TSNARE1: variants seen among roughly 807,000 people sequenced by gnomAD.
TSNARE1 encodes the protein t-SNARE domain containing 1.
In TSNARE1, 49 loss-of-function variants were observed where a neutral mutation model predicts 62.0. That is an observed-to-expected ratio of 0.79 (90% CI 0.63 to 1.00). TSNARE1 has a LOEUF of 1.00. Among genes scored for constraint, TSNARE1 ranks in the 50% least tolerant of loss-of-function variants. TSNARE1 has a pLI of 0.00. For synonymous variants in TSNARE1, 328 were observed against 294.4 expected, an observed-to-expected ratio of 1.11 and a Z score of -1.17; for missense variants, 755 against 700.1, an observed-to-expected ratio of 1.08 and a Z score of -0.88.
At chr8:142,257,883 G>A (rs1444437842) in intron 12 of TSNARE1, among the ~76,000 whole-genome samples, 1 of 152,064 alleles carries the variant, frequency 6.6e-6, no homozygotes, top group Non-Finnish European at 1.5e-5. Context: ...TCACCTTGGT[G>A]CTCCCACCCA....
rs1446053432 is a variant in TSNARE1 at position 142,270,496 on chromosome 8, ATATATATT to A, written c.1446+4277_1446+4284del. ...AATATATAGGCATATATATATATAT[ATATATATT>A]TATGTATTTATAACAGAAAATTGGA... On this transcript the variant is annotated intron_variant, in intron 12 of 13. Transcript: ENST00000524325. 7.8e-6 allele frequency: 7 copies of A among 899,544 alleles called. No homozygotes were observed. The East Asian group carries it at 6.0e-4, about 77-fold the overall frequency. The allele number at this position is 899,544 out of a possible 1,614,324, so 55.7% of individuals were successfully genotyped here.
At chr8:142,357,542 G>C (rs1038426127) in intron 1 of TSNARE1, among the ~76,000 whole-genome samples, 1 of 152,234 alleles carries the variant, frequency 6.6e-6, no homozygotes, top group African/African-American at 2.4e-5. Flanking sequence ...GCAGGAACCA[G>C]GGCCCGGGAG....
At chr8:142,285,704 C>A (rs1822614872) in intron 10 of TSNARE1, among the ~76,000 whole-genome samples, 2 of 152,170 alleles carry the variant, frequency 1.3e-5, no homozygotes, top group Admixed American at 1.3e-4. Flanking sequence ...AGCTAGTGAA[C>A]AGAGTAAGGA....
chr8:142,297,145 G>A (rs1824894681), intron 10 of TSNARE1, among the ~76,000 whole-genome samples: 1 of 152,248 alleles, frequency 6.6e-6, no homozygotes, highest in Non-Finnish European at 1.5e-5. Context: ...CCTAAAGCCA[G>A]GACAGCATGT....
At chr8:142,270,516 A>AAC in intron 12 of TSNARE1, 1 of 927,198 alleles carries the variant, frequency 1.1e-6, no homozygotes, top group Non-Finnish European at 1.2e-6. Context: ...ATGTATTTAT[A>AAC]ACAGAAAATT....
At chr8:142,340,044 C>A (rs10095340) in intron 4 of TSNARE1, among the ~76,000 whole-genome samples, 1 of 152,100 alleles carries the variant, frequency 6.6e-6, no homozygotes, top group Non-Finnish European at 1.5e-5. Flanking sequence ...CGGGGCCAGA[C>A]TGGCCAGCAC....
chr8:142,248,020 C>T (rs2130253214), intron 12 of TSNARE1, among the ~76,000 whole-genome samples: 1 of 152,302 alleles, frequency 6.6e-6, no homozygotes, highest in East Asian at 1.9e-4. Context: ...TGAATGGCCC[C>T]TCCAAAACCC....
At chr8:142,293,861 G>T (rs1824232154) in intron 10 of TSNARE1, among the ~76,000 whole-genome samples, 1 of 152,346 alleles carries the variant, frequency 6.6e-6, no homozygotes, top group South Asian at 2.1e-4. Context: ...GCAGGAAGTG[G>T]GGCTGCAGTG....
chr8:142,355,221 C>T (rs996329813), intron 1 of TSNARE1, among the ~76,000 whole-genome samples: 6 of 152,220 alleles, frequency 3.9e-5, no homozygotes, highest in African/African-American at 1.4e-4. Flanking sequence ...CTAGCTCCAT[C>T]GTCTTGAGCC....
chr8:142,356,863 A>G (rs879857494), intron 1 of TSNARE1, among the ~76,000 whole-genome samples: 5 of 152,096 alleles, frequency 3.3e-5, no homozygotes, highest in Admixed American at 1.3e-4. Flanking sequence ...CCAACACCTG[A>G]GTTCTCTGTA....
At chr8:142,348,055 T>G (rs1015854978) in intron 2 of TSNARE1, among the ~76,000 whole-genome samples, 1 of 152,204 alleles carries the variant, frequency 6.6e-6, no homozygotes, top group Non-Finnish European at 1.5e-5. Context: ...ATTTGCTGTT[T>G]GCTTTTGAAT....
intron 11 of TSNARE1, chr8:142,277,841 G>T (rs558244865): frequency 1.0e-6 from 1 of 985,208 alleles, no homozygotes; most frequent in African/African-American, 1.7e-5. Flanking sequence ...CAGCCTCCAG[G>T]GCTGAGGACT....
chr8:142,274,302 A>C, intron 12 of TSNARE1: 2 of 985,434 alleles, frequency 2.0e-6, no homozygotes, highest in Non-Finnish European at 2.4e-6. Context: ...AACAAGGCCC[A>C]GTGAGTGGCT....
intron 1 of TSNARE1, among the ~76,000 whole-genome samples, chr8:142,389,349 T>G (rs7813175): frequency 0.2 from 30,768 of 152,142 alleles, 3,229 homozygotes; most frequent in East Asian, 0.28. Flanking sequence ...ATGATTTTTT[T>G]AATATGACCC....
intron 12 of TSNARE1, among the ~76,000 whole-genome samples, chr8:142,268,620 T>G (rs1819264675): frequency 6.7e-6 from 1 of 150,302 alleles, no homozygotes; most frequent in African/African-American, 2.4e-5. Context: ...GATTTGGGGC[T>G]GAAGCCGTGT....
chr8:142,295,594 C>T (rs938107033), intron 10 of TSNARE1, among the ~76,000 whole-genome samples: 8 of 152,264 alleles, frequency 5.3e-5, no homozygotes, highest in African/African-American at 1.9e-4. Context: ...GCCCCCGTCA[C>T]TGGCAGCCCT....
intron 13 of TSNARE1, among the ~76,000 whole-genome samples, chr8:142,222,744 TCAC>T (rs1176785583): frequency 1.7e-4 from 16 of 94,232 alleles, no homozygotes; most frequent in Admixed American, 7.4e-4. Context: ...ACTCACTCAC[TCAC>T]TCATCCACTC....
intron 1 of TSNARE1, among the ~76,000 whole-genome samples, chr8:142,402,394 G>A (rs1179878593): frequency 1.3e-5 from 2 of 152,212 alleles, no homozygotes; most frequent in Non-Finnish European, 2.9e-5. Context: ...TCACGTTAAG[G>A]ACAATGTAAA....
intron 1 of TSNARE1, among the ~76,000 whole-genome samples, chr8:142,384,071 C>T (rs761706449): frequency 2.6e-5 from 4 of 152,264 alleles, no homozygotes; most frequent in Middle Eastern, 6.8e-3. Flanking sequence ...AACTCAAACG[C>T]CTTTCTTTGT....
Sources: allele counts gnomAD v4.1 joint callset (sites outside exome capture counted in the v4.1 genomes callset), GRCh38; gene constraint gnomAD v4.1.1; transcripts MANE v1.5; gene names NCBI Gene and HGNC (gene_info 2026-07-23, HGNC 2026-07-21).